The following AGTPBP1 variants were observed in gnomAD, a reference collection of about 807,000 sequenced individuals.
The protein encoded by AGTPBP1 is ATP/GTP binding carboxypeptidase 1, also known as cytosolic carboxypeptidase 1.
In AGTPBP1, 70 loss-of-function variants were observed where a neutral mutation model predicts 143.9. That is an observed-to-expected ratio of 0.49 (90% CI 0.40 to 0.59). AGTPBP1 has a LOEUF of 0.59. AGTPBP1 is among the 20% of genes least tolerant of loss of function. AGTPBP1 has a pLI of 0.00. For synonymous variants in AGTPBP1, 463 were observed against 500.2 expected, an observed-to-expected ratio of 0.93 and a Z score of 0.99; for missense variants, 1,229 against 1,464.5, an observed-to-expected ratio of 0.84 and a Z score of 2.62.
At chr9:85,592,754 A>T (rs201961098) in intron 18 of AGTPBP1, 50 bp from the exon 19 acceptor site, 1 of 1,574,856 alleles carries the variant, frequency 6.3e-7, no homozygotes, top group African/African-American at 1.4e-5. Context: ...ATGAAAACTG[A>T]TTTTCCTTGT....
the AGTPBP1 span, among the ~76,000 whole-genome samples, chr9:85,780,931 AT>A: frequency 6.6e-6 from 1 of 152,214 alleles, no homozygotes; most frequent in East Asian, 1.9e-4. Flanking sequence ...CCTGGCTAAC[AT>A]GATGAAACCT....
chr9:85,733,957 A>G (rs1306659230), intron 1 of AGTPBP1, among the ~76,000 whole-genome samples: 1 of 152,254 alleles, frequency 6.6e-6, no homozygotes, highest in Non-Finnish European at 1.5e-5. Flanking sequence ...ATCAGTAATT[A>G]AAAACCTCCT....
rs1287021957 is a variant in AGTPBP1 at position 85,681,300 on chromosome 9, T to C, written c.193A>G (p.Thr65Ala). ...TRREMTAKGS[T>A]GMEILLSTLE... Reference sequence around the variant, plus strand: ...GTTGACAGCAGAATTTCCATTCCTGTAGAACCTTTGGCTGTCATTTCTCTC... The same window carrying C: ...GTTGACAGCAGAATTTCCATTCCTGCAGAACCTTTGGCTGTCATTTCTCTC... Residue 65 changes from threonine (T) to alanine (A), a missense_variant, in exon 4 of 26, where the codon ACA becomes GCA. By Grantham distance (58) the Thr-to-Ala change is moderately conservative. This residue lies in a region of AGTPBP1 where 743 missense variants were observed against 812.2 expected (regional missense o/e 0.91). Coordinates refer to ENST00000357081, the MANE Select transcript of AGTPBP1 (RefSeq NM_001330701.2). The C allele has an allele frequency of 6.2e-7, 1 of 1,612,732 alleles. No homozygotes were observed. Among genetic ancestry groups the C allele is most frequent in the Non-Finnish European group, 8.5e-7 (1 of 1,179,728 alleles).
At chr9:85,742,046 G>A (rs1313102600), upstream of AGTPBP1, 2 of 1,183,170 alleles carry the variant, frequency 1.7e-6, no homozygotes, top group Middle Eastern at 6.7e-4. Context: ...GGGGCGGGGC[G>A]TGCGAGGCCG....
chr9:85,765,047 G>A, the AGTPBP1 span: 21 of 582,654 alleles, frequency 3.6e-5, no homozygotes, highest in African/African-American at 3.7e-4. Flanking sequence ...GATTTTGTCA[G>A]ATGTAGTGAG....
At chr9:85,783,502 A>T in the AGTPBP1 span, among the ~76,000 whole-genome samples, 3 of 152,232 alleles carry the variant, frequency 2.0e-5, no homozygotes, top group African/African-American at 7.2e-5. Flanking sequence ...TAATATAATG[A>T]CATGAAACAA....
chr9:85,573,095 C>A (rs1587654815), intron 25 of AGTPBP1, among the ~76,000 whole-genome samples: 2 of 152,136 alleles, frequency 1.3e-5, no homozygotes, highest in African/African-American at 4.8e-5. Context: ...TCTCCCTCCC[C>A]CTCCCCTTCC....
At position 85,689,615 on chromosome 9, in the gene AGTPBP1, C is replaced by A. The variant is rs1394794087; in HGVS notation, c.157+3074G>T. 2.0e-5 allele frequency among the ~76,000 whole-genome samples: 3 copies of A among 152,026 alleles called. No homozygotes were observed. In the East Asian group the frequency reaches 5.8e-4, roughly 29 times the overall value. On this transcript the variant is annotated intron_variant, in intron 3 of 25. Transcript: ENST00000357081. ...ATTTCAGTTAAAATATATTTCTTGG[C>A]CGGGCACAGTGGCTCACGCCTGTAA...
chr9:85,780,523 T>G, the AGTPBP1 span, among the ~76,000 whole-genome samples: 4 of 151,182 alleles, frequency 2.6e-5, no homozygotes, highest in South Asian at 8.4e-4. Context: ...TGATATAAAC[T>G]TTACAGAAGA....
chr9:85,642,782 T>G, intron 13 of AGTPBP1, 45 bp downstream of exon 13: 1 of 1,465,334 alleles, frequency 6.8e-7, no homozygotes, highest in Non-Finnish European at 9.3e-7. Flanking sequence ...AAAAAATAAC[T>G]TTTTATTAAA....
At chr9:85,558,637 A>G (rs1405575320) in intron 25 of AGTPBP1, among the ~76,000 whole-genome samples, 1 of 152,106 alleles carries the variant, frequency 6.6e-6, no homozygotes, top group Non-Finnish European at 1.5e-5. Context: ...TTTTTGAGCC[A>G]AGGTCTCATT....
At chr9:85,797,021 G>A in the AGTPBP1 span, among the ~76,000 whole-genome samples, 2,297 of 152,084 alleles carry the variant, frequency 0.015, 58 homozygotes, top group African/African-American at 0.052. Flanking sequence ...TCCCGACCTC[G>A]TGATCTGCCC....
chr9:85,682,205 T>TTA (rs1835233925), intron 3 of AGTPBP1, among the ~76,000 whole-genome samples: 1 of 143,170 alleles, frequency 7.0e-6, no homozygotes. Context: ...AAAGCATAGA[T>TTA]TATTTCTATT....
intron 6 of AGTPBP1, among the ~76,000 whole-genome samples, chr9:85,676,135 T>C (rs764993946): frequency 1.3e-5 from 2 of 152,212 alleles, no homozygotes; most frequent in Non-Finnish European, 2.9e-5. Flanking sequence ...CTTCCGGATA[T>C]TGGTCTGGGC....
At chr9:85,637,229 A>AT (rs1243469539) in intron 13 of AGTPBP1, among the ~76,000 whole-genome samples, 1 of 151,682 alleles carries the variant, frequency 6.6e-6, no homozygotes, top group Non-Finnish European at 1.5e-5. Context: ...TTTTAGTAGA[A>AT]AAGGGGTTTC....
intron 1 of AGTPBP1, among the ~76,000 whole-genome samples, chr9:85,731,948 A>G (rs933171896): frequency 9.2e-5 from 14 of 152,210 alleles, no homozygotes; most frequent in African/African-American, 2.7e-4. Context: ...ATGTTCAGAT[A>G]CTTATAAAAA....
the AGTPBP1 span, among the ~76,000 whole-genome samples, chr9:85,800,591 T>C: frequency 6.6e-6 from 1 of 152,204 alleles, no homozygotes; most frequent in South Asian, 2.1e-4. Flanking sequence ...ATGAGGTCTC[T>C]GGAATAAGTG....
At chr9:85,677,406 T>C (rs1371533461) in intron 6 of AGTPBP1, 30 bp downstream of exon 6, 10 of 1,591,900 alleles carry the variant, frequency 6.3e-6, no homozygotes, top group Non-Finnish European at 8.5e-6. Context: ...TAGTTCTAGA[T>C]ACAATAATCA....
intron 1 of AGTPBP1, among the ~76,000 whole-genome samples, chr9:85,724,727 T>C (rs950741629): frequency 6.6e-6 from 1 of 152,232 alleles, no homozygotes; most frequent in African/African-American, 2.4e-5. Context: ...CAATGTGTTA[T>C]GCCTATTATC....
Sources: gnomAD v4.1 joint callset for allele counts (sites outside exome capture counted in the v4.1 genomes callset) on GRCh38, gnomAD v4.1.1 for gene constraint, gnomAD v4.1.1 regional missense constraint, MANE v1.5 for transcripts, NCBI Gene and HGNC (gene_info 2026-07-23, HGNC 2026-07-21) for gene names.